C8orf34: variants seen among roughly 807,000 people sequenced by gnomAD.
The protein encoded by C8orf34 is uncharacterized protein C8orf34.
In C8orf34, 65 loss-of-function variants were observed where a neutral mutation model predicts 68.3. The observed-to-expected ratio is 0.95, with a 90% CI of 0.78 to 1.17. C8orf34 has a LOEUF of 1.17. C8orf34 is among the 50% of genes most tolerant of loss of function. The pLI, the probability that C8orf34 is intolerant of heterozygous loss-of-function variation, is 0.00. For missense variants in C8orf34, 664 were observed against 655.4 expected, an observed-to-expected ratio of 1.01 and a Z score of -0.14; for synonymous variants, 244 against 241.2, an observed-to-expected ratio of 1.01 and a Z score of -0.11.
At chr8:68,752,711 G>C (rs549992900) in intron 10 of C8orf34, among the ~76,000 whole-genome samples, 1 of 152,242 alleles carries the variant, frequency 6.6e-6, no homozygotes, top group Admixed American at 6.5e-5. Flanking sequence ...TGTGTCCTTC[G>C]AGAGTTTTCC....
chr8:68,592,150 TA>T (rs1191203190), intron 7 of C8orf34, among the ~76,000 whole-genome samples: 1 of 152,166 alleles, frequency 6.6e-6, no homozygotes, highest in African/African-American at 2.4e-5. Context: ...TTTATAGAGA[TA>T]TTTTTTCTTT....
intron 1 of C8orf34, among the ~76,000 whole-genome samples, chr8:68,432,393 C>A (rs568480591): frequency 2.1e-4 from 32 of 152,022 alleles, no homozygotes; most frequent in African/African-American, 7.5e-4. Flanking sequence ...TCACTGCAAC[C>A]TTTGCTTCCT....
At chr8:68,506,126 ACACATG>A (rs996847027) in intron 5 of C8orf34, among the ~76,000 whole-genome samples, 1 of 152,026 alleles carries the variant, frequency 6.6e-6, no homozygotes, top group Admixed American at 6.6e-5. Flanking sequence ...ACACACACAC[ACACATG>A]CACATGCACA....
intron 1 of C8orf34, among the ~76,000 whole-genome samples, chr8:68,353,552 CA>C (rs1714156803): frequency 6.7e-6 from 1 of 148,524 alleles, no homozygotes; most frequent in Non-Finnish European, 1.5e-5. Context: ...TATATATACA[CA>C]TATGTGTGTG....
chr8:68,628,066 T>G (rs1011860569), intron 7 of C8orf34, among the ~76,000 whole-genome samples: 5 of 152,134 alleles, frequency 3.3e-5, no homozygotes, highest in African/African-American at 1.2e-4. Context: ...TCAAGAAGAG[T>G]AAATATTCTG....
chr8:68,714,609 TGAAA>T (rs776983905), intron 9 of C8orf34, among the ~76,000 whole-genome samples: 7 of 152,094 alleles, frequency 4.6e-5, no homozygotes, highest in Non-Finnish European at 8.8e-5. Flanking sequence ...AAAACACTGC[TGAAA>T]GAAATTATAG....
chr8:68,537,042 A>C (rs1815506822), intron 7 of C8orf34, among the ~76,000 whole-genome samples: 1 of 152,122 alleles, frequency 6.6e-6, no homozygotes, highest in Non-Finnish European at 1.5e-5. Flanking sequence ...TTTCTTTCTT[A>C]TATTCTGATC....
chr8:68,762,426 C>T (rs970376873), intron 10 of C8orf34, among the ~76,000 whole-genome samples: 3 of 152,100 alleles, frequency 2.0e-5, no homozygotes, highest in African/African-American at 7.2e-5. Flanking sequence ...AAAAAGTACC[C>T]AAGATTTTAA....
chr8:68,675,569 T>TA (rs141125477), intron 8 of C8orf34, among the ~76,000 whole-genome samples: 5,988 of 140,046 alleles, frequency 0.043, 363 homozygotes, highest in African/African-American at 0.14. Context: ...TAATCTCAAA[T>TA]AAAAAAAAAA....
In C8orf34 at chr8:68,534,982, TG is replaced by T. The variant is rs887171508; in HGVS notation, c.1105+1835del. 30 of 985,312 alleles carry T rather than the reference TG, an allele frequency of 3.0e-5. No individual in the cohort carries two copies. The African/African-American group carries it at 4.7e-4, about 15-fold the overall frequency. 61.0% of individuals were successfully genotyped at this position (985,312 alleles called of 1,614,324 possible). A position where few individuals can be genotyped will look rare whatever the true frequency, so the allele number is the denominator to read the frequency against. ...TAATAATAAGAGATAGTTGAAGGTT[TG>T]GACTTTCTTCATGTAATTCCACATA... is the stretch of plus-strand genomic sequence containing the variant. On this transcript the variant is annotated intron_variant, in intron 7 of 13. Transcript: ENST00000518698.
intron 10 of C8orf34, 54 bp downstream of exon 10, chr8:68,721,491 C>A: frequency 8.9e-7 from 1 of 1,121,872 alleles, no homozygotes; most frequent in Non-Finnish European, 1.3e-6. Flanking sequence ...ATTTAAATTA[C>A]TAGTAGGTAA....
intron 3 of C8orf34, among the ~76,000 whole-genome samples, chr8:68,450,042 A>G (rs1436851900): frequency 2.0e-5 from 3 of 152,156 alleles, no homozygotes; most frequent in African/African-American, 7.2e-5. Context: ...TTGATGCAGT[A>G]TTTTAAGTCA....
intron 7 of C8orf34, among the ~76,000 whole-genome samples, chr8:68,552,249 C>T (rs891112271): frequency 2.6e-5 from 4 of 152,092 alleles, no homozygotes; most frequent in Non-Finnish European, 4.4e-5. Flanking sequence ...AACATCACCT[C>T]GAATTTTAAT....
At chr8:68,398,391 G>T (rs1204811342) in intron 1 of C8orf34, among the ~76,000 whole-genome samples, 1 of 152,030 alleles carries the variant, frequency 6.6e-6, no homozygotes, top group Admixed American at 6.6e-5. Flanking sequence ...ATGCTCATAG[G>T]TTGATTTACA....
chr8:68,508,246 C>A (rs1394300706), intron 5 of C8orf34, among the ~76,000 whole-genome samples: 1 of 152,128 alleles, frequency 6.6e-6, no homozygotes, highest in East Asian at 1.9e-4. Context: ...CTCCTTCTTG[C>A]CCAATTCTGA....
intron 2 of C8orf34, among the ~76,000 whole-genome samples, chr8:68,443,567 T>TG (rs1486523426): frequency 7.0e-6 from 1 of 142,454 alleles, no homozygotes; most frequent in Non-Finnish European, 1.5e-5. Flanking sequence ...CCGAGCTAAC[T>TG]TTTTTTTTTT....
intron 1 of C8orf34, among the ~76,000 whole-genome samples, chr8:68,424,902 A>T (rs995580784): frequency 4.6e-5 from 7 of 151,990 alleles, no homozygotes; most frequent in South Asian, 2.1e-4. Flanking sequence ...TCCATCCCAA[A>T]AATAATAATA....
At chr8:68,465,156 G>A (rs577922758) in intron 3 of C8orf34, among the ~76,000 whole-genome samples, 8 of 151,996 alleles carry the variant, frequency 5.3e-5, no homozygotes, top group Admixed American at 3.9e-4. Context: ...GAACCGACAC[G>A]TCACAAAAGA....
At chr8:68,773,341 A>G (rs1216094060) in intron 10 of C8orf34, among the ~76,000 whole-genome samples, 2 of 152,112 alleles carry the variant, frequency 1.3e-5, no homozygotes, top group African/African-American at 4.8e-5. Context: ...CCACACTTGC[A>G]TTCTTCAAAA....
Sources: gnomAD v4.1 joint callset for allele counts (sites outside exome capture counted in the v4.1 genomes callset) on GRCh38, gnomAD v4.1.1 for gene constraint, MANE v1.5 for transcripts, NCBI Gene and HGNC (gene_info 2026-07-23, HGNC 2026-07-21) for gene names.